Variants in MCU observed in about 807,000 individuals in gnomAD.
MCU encodes calcium uniporter protein, mitochondrial.
MCU carries 12 observed loss-of-function variants against 45.2 expected under a neutral mutation model. The observed-to-expected ratio is 0.27, with a 90% CI of 0.17 to 0.43. The LOEUF (loss-of-function observed/expected upper bound fraction) is 0.43. MCU is among the 20% of genes least tolerant of loss of function. The pLI is 1.00. For missense variants in MCU, 324 were observed against 436.7 expected (o/e 0.74, Z 2.30); for synonymous variants, 160 against 165.1 (o/e 0.97, Z 0.24).
intron 3 of MCU, 36 bp from the exon 4 acceptor site, chr10:72,860,387 T>C (rs767569465): frequency 6.5e-7 from 1 of 1,528,660 alleles, no homozygotes; most frequent in South Asian, 1.1e-5. Context: ...TGAATAATTA[T>C]GGACCTATGA....
intron 3 of MCU, among the ~76,000 whole-genome samples, chr10:72,859,774 T>A (rs1439815725): frequency 6.6e-6 from 1 of 152,196 alleles, no homozygotes; most frequent in Non-Finnish European, 1.5e-5. Context: ...GCACTAAAAA[T>A]TACCATTTTA....
chr10:72,749,124 T>A (rs1029018572), intron 1 of MCU, among the ~76,000 whole-genome samples: 1 of 151,314 alleles, frequency 6.6e-6, no homozygotes. Context: ...AAAAAAAAAA[T>A]GTTGTTTTTT....
intron 1 of MCU, among the ~76,000 whole-genome samples, chr10:72,783,106 C>CT (rs1844020147): frequency 6.6e-6 from 1 of 152,174 alleles, no homozygotes; most frequent in Non-Finnish European, 1.5e-5. Flanking sequence ...AATATTCACC[C>CT]TAAGTACTTC....
chr10:72,776,453 G>A lies in MCU; in HGVS notation c.151-57906G>A, dbSNP rs150919754. Among the ~76,000 whole-genome samples, 903 of 152,178 alleles carry A rather than the reference G, an allele frequency of 5.9e-3. 12 individuals carry two copies. Among genetic ancestry groups the A allele is most frequent in the African/African-American group, 0.02 (851 of 41,520 alleles). ...ATAAACATGATATATCACATTAACA[G>A]AGTTAACAAAAACCACATCATTGTT... On this transcript the variant is annotated intron_variant, in intron 1 of 7. Coordinates refer to ENST00000373053, the MANE Select transcript of MCU (RefSeq NM_138357.3).
chr10:72,848,564 A>T (rs1352906405), intron 2 of MCU, among the ~76,000 whole-genome samples: 1 of 152,144 alleles, frequency 6.6e-6, no homozygotes, highest in Non-Finnish European at 1.5e-5. Context: ...CACCTCTTAA[A>T]GGTCCTGCCT....
At chr10:72,803,333 G>T (rs538247490) in intron 1 of MCU, among the ~76,000 whole-genome samples, 26 of 150,774 alleles carry the variant, frequency 1.7e-4, no homozygotes, top group African/African-American at 5.6e-4. Context: ...CTTGCCTATT[G>T]TGATACTCAG....
intron 1 of MCU, among the ~76,000 whole-genome samples, chr10:72,760,039 A>G (rs982746665): frequency 8.9e-6 from 1 of 112,744 alleles, no homozygotes; most frequent in African/African-American, 4.1e-5. Context: ...AAATTCTGTA[A>G]AACTTTAAAT....
At chr10:72,808,098 A>T (rs1844479890) in intron 1 of MCU, among the ~76,000 whole-genome samples, 1 of 152,170 alleles carries the variant, frequency 6.6e-6, no homozygotes, top group Non-Finnish European at 1.5e-5. Flanking sequence ...GAATAGTCAC[A>T]TTTTACAATG....
Position 72,860,533 on chromosome 10 carries a change from A to G in MCU, c.496+6A>G. The G allele has an allele frequency of 2.5e-6, 4 of 1,606,220 alleles. No individual in the cohort carries two copies. The highest frequency in any genetic ancestry group is 3.4e-6 in the Non-Finnish European group (4 of 1,173,446). ...CGTACGACCACCAAAAAGAGGTAAA[A>G]TAGTAACCTTGGTAAGGTCACAGAA... On this transcript the variant is annotated splice_donor_region_variant and intron_variant, in intron 4 of 7. Transcript: ENST00000373053.
intron 1 of MCU, among the ~76,000 whole-genome samples, chr10:72,801,679 T>C (rs893055833): frequency 8.6e-5 from 13 of 151,372 alleles, no homozygotes; most frequent in African/African-American, 2.2e-4. Flanking sequence ...TTTTTCTTTT[T>C]TTTTTTTTTT....
chr10:72,846,265 ACTCCTGCC>A (rs1845121464), intron 2 of MCU, among the ~76,000 whole-genome samples: 1 of 151,660 alleles, frequency 6.6e-6, no homozygotes, highest in African/African-American at 2.4e-5. Context: ...CTGGTCTCAA[ACTCCTGCC>A]CTCAAGTGAT....
At chr10:72,791,506 T>G (rs183577758) in intron 1 of MCU, among the ~76,000 whole-genome samples, 49 of 152,330 alleles carry the variant, frequency 3.2e-4, no homozygotes, top group African/African-American at 7.2e-4. Flanking sequence ...TTAGATAATG[T>G]TTCTCTTTTC....
chr10:72,789,739 C>G (rs1318743300), intron 1 of MCU, among the ~76,000 whole-genome samples: 3 of 152,172 alleles, frequency 2.0e-5, no homozygotes, highest in East Asian at 1.9e-4. Flanking sequence ...TATTCTCCAT[C>G]AAATTTTCAC....
intron 1 of MCU, among the ~76,000 whole-genome samples, chr10:72,700,419 A>G (rs977964841): frequency 6.6e-6 from 1 of 152,200 alleles, no homozygotes; most frequent in Non-Finnish European, 1.5e-5. Flanking sequence ...TCTAATTTAG[A>G]TTAAGCTTGA....
intron 1 of MCU, chr10:72,715,811 A>G (rs1282142402): frequency 5.2e-6 from 5 of 955,648 alleles, no homozygotes; most frequent in East Asian, 1.2e-4. Flanking sequence ...CCTGTATGTC[A>G]TAACAACCAT....
chr10:72,729,952 C>CATTTTT (rs1413419136), intron 1 of MCU, among the ~76,000 whole-genome samples: 1 of 90,554 alleles, frequency 1.1e-5, no homozygotes, highest in African/African-American at 3.9e-5. Context: ...CTTCAGCATT[C>CATTTTT]TTTTTTTTTT....
At chr10:72,779,345 G>A (rs1194319490) in intron 1 of MCU, among the ~76,000 whole-genome samples, 2 of 152,192 alleles carry the variant, frequency 1.3e-5, no homozygotes, top group African/African-American at 2.4e-5. Context: ...AAGACAACAG[G>A]TGTAAACCTT....
chr10:72,779,780 A>T (rs548600600), intron 1 of MCU, among the ~76,000 whole-genome samples: 32 of 152,284 alleles, frequency 2.1e-4, no homozygotes, highest in African/African-American at 7.7e-4. Context: ...GAAAATAACA[A>T]GTGTTAGTGA....
In MCU at chr10:72,864,142, G is replaced by A. The variant is rs183193087; in HGVS notation, c.496+3615G>A. 3.9e-5 allele frequency among the ~76,000 whole-genome samples: 6 copies of A among 152,146 alleles called. No individual in the cohort carries two copies. The South Asian group carries it at 6.2e-4, about 16-fold the overall frequency. On this transcript the variant is annotated intron_variant, in intron 4 of 7. Coordinates refer to ENST00000373053, the MANE Select transcript of MCU (RefSeq NM_138357.3). ...CATAGCCACCTCTTGTTGCTATTGC[G>A]GTAAACTCAAGTGTTTTTAATATCA...
Sources: gnomAD v4.1 joint callset for allele counts (sites outside exome capture counted in the v4.1 genomes callset) on GRCh38, gnomAD v4.1.1 for gene constraint, MANE v1.5 for transcripts, NCBI Gene and HGNC (gene_info 2026-07-23, HGNC 2026-07-21) for gene names.